The following PCDH15 variants were observed in gnomAD, a reference collection of about 807,000 sequenced individuals.
The protein encoded by PCDH15 is protocadherin-15.
In PCDH15, 129 loss-of-function variants were observed where a neutral mutation model predicts 178.5. That is an observed-to-expected ratio of 0.72 (90% CI 0.63 to 0.84). The LOEUF (loss-of-function observed/expected upper bound fraction) is 0.84, where lower values mean the gene tolerates loss of function less well. PCDH15 is among the 40% of genes least tolerant of loss of function. PCDH15 has a pLI of 0.00. For missense variants in PCDH15, 2,230 were observed against 2,099.9 expected (o/e 1.06, Z -1.21); for synonymous variants, 800 against 732.0 (o/e 1.09, Z -1.50).
intron 11 of PCDH15, among the ~76,000 whole-genome samples, chr10:54,187,413 G>A (rs1389770318): frequency 6.6e-6 from 1 of 151,882 alleles, no homozygotes; most frequent in Non-Finnish European, 1.5e-5. Context: ...TGTGACTGTA[G>A]TATAATATGT....
chr10:55,078,921 A>AGCT (rs1381215649), intron 2 of PCDH15, among the ~76,000 whole-genome samples: 1 of 152,074 alleles, frequency 6.6e-6, no homozygotes, highest in Non-Finnish European at 1.5e-5. Flanking sequence ...AACGACCTCC[A>AGCT]GCTCCATAAT....
chr10:54,221,750 C>T (rs368225630), intron 9 of PCDH15, among the ~76,000 whole-genome samples: 2 of 151,956 alleles, frequency 1.3e-5, no homozygotes, highest in South Asian at 2.1e-4. Flanking sequence ...TTACAGGTGC[C>T]CACCACCACG....
intron 2 of PCDH15, among the ~76,000 whole-genome samples, chr10:54,969,816 G>A (rs1425274810): frequency 6.6e-6 from 1 of 152,156 alleles, no homozygotes; most frequent in African/African-American, 2.4e-5. Context: ...ATATGAAAAT[G>A]TGTTTTAACT....
chr10:54,205,239 C>A (rs2050667675), intron 10 of PCDH15, among the ~76,000 whole-genome samples: 1 of 152,060 alleles, frequency 6.6e-6, no homozygotes, highest in Non-Finnish European at 1.5e-5. Flanking sequence ...GTAGCTGTTA[C>A]ACTAAAAAAG....
intron 1 of PCDH15, among the ~76,000 whole-genome samples, chr10:54,784,205 T>C (rs1950626191): frequency 6.6e-6 from 1 of 151,972 alleles, no homozygotes; most frequent in African/African-American, 2.4e-5. Context: ...TTAGATTTGG[T>C]TGAGGACACA....
chr10:55,181,942 T>A (rs1370609227), intron 1 of PCDH15, among the ~76,000 whole-genome samples: 1 of 151,984 alleles, frequency 6.6e-6, no homozygotes, highest in Non-Finnish European at 1.5e-5. Flanking sequence ...TTACTAGACT[T>A]AAATCTCTAT....
At chr10:55,242,488 T>G (rs1008203104) in intron 1 of PCDH15, among the ~76,000 whole-genome samples, 1 of 152,186 alleles carries the variant, frequency 6.6e-6, no homozygotes, top group Non-Finnish European at 1.5e-5. Context: ...ATCAATTTAA[T>G]GTGTAAATAT....
chr10:54,768,402 A>G (rs757353346), intron 1 of PCDH15, among the ~76,000 whole-genome samples: 34 of 152,318 alleles, frequency 2.2e-4, no homozygotes, highest in Admixed American at 3.9e-4. Flanking sequence ...TGTCACCCTC[A>G]GAGAGATTAC....
chr10:54,602,107 C>A (rs563546866), intron 2 of PCDH15, among the ~76,000 whole-genome samples: 2 of 151,938 alleles, frequency 1.3e-5, no homozygotes, highest in East Asian at 1.9e-4. Flanking sequence ...ATATAACAAA[C>A]CTGCACATAT....
chr10:54,852,884 A>T (rs954401462), intron 3 of PCDH15, among the ~76,000 whole-genome samples: 3 of 151,530 alleles, frequency 2.0e-5, no homozygotes, highest in African/African-American at 7.2e-5. Flanking sequence ...ATAAAATAAA[A>T]TAAATTAAAA....
intron 2 of PCDH15, among the ~76,000 whole-genome samples, chr10:55,605,097 A>G (rs982523953): frequency 1.1e-3 from 172 of 151,456 alleles, no homozygotes; most frequent in African/African-American, 4.0e-3. Context: ...ACAAACTACC[A>G]TCAGAGAATA....
At chr10:54,238,946 C>T (rs2054935132) in intron 8 of PCDH15, among the ~76,000 whole-genome samples, 2 of 151,980 alleles carry the variant, frequency 1.3e-5, no homozygotes, top group Admixed American at 1.3e-4. Context: ...TTTCCAAAAC[C>T]GAGGCTCTAT....
chr10:55,287,315 C>T (rs1314628296), intron 1 of PCDH15, among the ~76,000 whole-genome samples: 2 of 151,996 alleles, frequency 1.3e-5, no homozygotes, highest in Non-Finnish European at 2.9e-5. Flanking sequence ...ATAGCCCCTG[C>T]TCCTATAATA....
intron 1 of PCDH15, among the ~76,000 whole-genome samples, chr10:54,796,393 C>CCTTTCTGTCTCTATCTCTCAGA (rs373285023): frequency 1.0e-3 from 158 of 151,360 alleles, no homozygotes; most frequent in Middle Eastern, 3.4e-3. Context: ...TCTCAGTCTC[C>CCTTTCTGTCTCTATCTCTCAGA]CTTTCTGTCT....
At chr10:55,232,956 T>C (rs1450778979) in intron 1 of PCDH15, among the ~76,000 whole-genome samples, 2 of 152,132 alleles carry the variant, frequency 1.3e-5, no homozygotes, top group African/African-American at 2.4e-5. Context: ...TGCCTGGGCA[T>C]CTGAAGTAAA....
intron 2 of PCDH15, among the ~76,000 whole-genome samples, chr10:54,660,710 A>G (rs1432170907): frequency 6.6e-6 from 1 of 152,146 alleles, no homozygotes; most frequent in Non-Finnish European, 1.5e-5. Flanking sequence ...AAAAATCTGC[A>G]ACAAAATGCT....
At chr10:54,841,119 T>A (rs989953111) in intron 3 of PCDH15, among the ~76,000 whole-genome samples, 13 of 151,696 alleles carry the variant, frequency 8.6e-5, no homozygotes, top group African/African-American at 3.1e-4. Context: ...GTATATAAGT[T>A]CCTCTCAACT....
At position 54,786,477 on chromosome 10, in the gene PCDH15, A is replaced by G. The variant is rs568202592; in HGVS notation, c.-29+14448T>C. ...CAGGCAAGTTATTTTTCAAGTATCC[A>G]TGATAATGCTCTGTTTATAGAAGTC... On this transcript the variant is annotated intron_variant, in intron 1 of 37. Coordinates refer to ENST00000644397, the MANE Select transcript of PCDH15 (RefSeq NM_001384140.1). Among the ~76,000 whole-genome samples the G allele has an allele frequency of 2.0e-4, 31 of 152,170 alleles. 1 individual carries two copies. The highest frequency in any genetic ancestry group is 7.2e-4 in the African/African-American group (30 of 41,570).
chr10:55,158,171 C>T (rs533388687), intron 2 of PCDH15, among the ~76,000 whole-genome samples: 7 of 151,388 alleles, frequency 4.6e-5, no homozygotes, highest in Non-Finnish European at 8.8e-5. Context: ...CACACACACA[C>T]GCACACACAT....
Sources: allele counts gnomAD v4.1 joint callset (sites outside exome capture counted in the v4.1 genomes callset), GRCh38; gene constraint gnomAD v4.1.1; transcripts MANE v1.5; gene names NCBI Gene and HGNC (gene_info 2026-07-23, HGNC 2026-07-21).